The following SATB2 variants were observed in gnomAD, a reference collection of about 807,000 sequenced individuals.
The protein encoded by SATB2 is SATB homeobox 2.
A neutral mutation model predicts 73.4 loss-of-function variants in SATB2; 1 was observed. The ratio of observed to expected loss-of-function variants is 0.01; its 90% CI spans 0.00 to 0.06. The LOEUF is 0.06. Ranked by LOEUF, SATB2 falls within the 10% of genes least tolerant of loss-of-function variation. The pLI is 1.00. For synonymous variants in SATB2, 397 were observed against 367.0 expected (o/e 1.08, Z -0.93); for missense variants, 459 against 945.8 (o/e 0.49, Z 6.75).
At chr2:199,304,716 A>G (rs1482174632) in intron 10 of SATB2, among the ~76,000 whole-genome samples, 1 of 152,204 alleles carries the variant, frequency 6.6e-6, no homozygotes, top group African/African-American at 2.4e-5. Context: ...GATCCTGAAG[A>G]ACTAGCTTCC....
chr2:199,346,108 A>G (rs1373360804), intron 7 of SATB2, among the ~76,000 whole-genome samples: 2 of 152,152 alleles, frequency 1.3e-5, no homozygotes, highest in African/African-American at 4.8e-5. Context: ...GAGGCCAGTA[A>G]GAAAATCCCA....
intron 3 of SATB2, among the ~76,000 whole-genome samples, chr2:199,415,580 A>G (rs1690953379): frequency 6.6e-6 from 1 of 152,252 alleles, no homozygotes; most frequent in African/African-American, 2.4e-5. Context: ...AAATTACATT[A>G]GAATACTGCA....
chr2:199,356,342 T>C (rs1374878638), intron 6 of SATB2, among the ~76,000 whole-genome samples: 1 of 151,756 alleles, frequency 6.6e-6, no homozygotes, highest in African/African-American at 2.4e-5. Flanking sequence ...AAAAGGACAC[T>C]GGCTTGCTTT....
intron 3 of SATB2, among the ~76,000 whole-genome samples, chr2:199,417,664 T>C (rs984069107): frequency 1.3e-5 from 2 of 152,230 alleles, no homozygotes; most frequent in African/African-American, 4.8e-5. Flanking sequence ...TCAGTGAATA[T>C]TTAAAGTTTC....
At chr2:199,352,019 G>A (rs1330143178) in intron 6 of SATB2, among the ~76,000 whole-genome samples, 3 of 152,046 alleles carry the variant, frequency 2.0e-5, no homozygotes, top group Non-Finnish European at 4.4e-5. Context: ...ACAGGCATAT[G>A]CCGCCACCAC....
chr2:199,281,114 T>TC (rs1302127203), intron 10 of SATB2, among the ~76,000 whole-genome samples: 22 of 151,518 alleles, frequency 1.5e-4, no homozygotes, highest in Non-Finnish European at 2.5e-4. Context: ...AAGGGCAGGT[T>TC]CCCCCGATAC....
Position 199,308,636 on chromosome 2 carries a change from G to A in SATB2, c.1740+124C>T, listed in dbSNP as rs1687506417. 2.6e-6 allele frequency: 2 copies of A among 774,464 alleles called. No homozygotes were observed. Among genetic ancestry groups the A allele is most frequent in the Non-Finnish European group, 4.4e-6 (2 of 450,112 alleles). 48.0% of individuals were successfully genotyped at this position (774,464 alleles called of 1,614,324 possible). A position where few individuals can be genotyped will look rare whatever the true frequency, so the allele number is the denominator to read the frequency against. On this transcript the variant is annotated intron_variant, in intron 10 of 10. Transcript: ENST00000417098. The surrounding 1 kb of genome is among the most constrained non-coding windows in gnomAD (Gnocchi z 4.6). ...TGTGACGACAGCGTCTTCTGTACTT[G>A]GGGACCTGGCATGAGACACCCTCTG...
chr2:199,275,674 G>C (rs969757792), intron 10 of SATB2, among the ~76,000 whole-genome samples: 1 of 152,118 alleles, frequency 6.6e-6, no homozygotes, highest in African/African-American at 2.4e-5. Context: ...AATAGTCAGA[G>C]AAATTATCTA....
At chr2:199,432,141 T>A (rs1285413887) in intron 3 of SATB2, among the ~76,000 whole-genome samples, 1 of 152,194 alleles carries the variant, frequency 6.6e-6, no homozygotes, top group Non-Finnish European at 1.5e-5. Flanking sequence ...TGGCCAGCGC[T>A]CAGATTCAGA....
intron 7 of SATB2, among the ~76,000 whole-genome samples, chr2:199,346,156 CTTT>C (rs1050884316): frequency 6.9e-6 from 1 of 144,952 alleles, no homozygotes. Flanking sequence ...TTTTCTTTTT[CTTT>C]TTTTTTTTTG....
intron 6 of SATB2, among the ~76,000 whole-genome samples, chr2:199,358,079 C>T (rs1689038883): frequency 6.6e-6 from 1 of 152,218 alleles, no homozygotes; most frequent in Non-Finnish European, 1.5e-5. Flanking sequence ...TCCTTTCACT[C>T]AGCTGGGCTA....
chr2:199,342,151 T>A (rs6750374), intron 7 of SATB2, among the ~76,000 whole-genome samples: 31 of 152,028 alleles, frequency 2.0e-4, no homozygotes, highest in African/African-American at 7.3e-4. Context: ...CTTTCAGAAG[T>A]AAAACCATGG....
chr2:199,461,742 G>A (rs1377340844), upstream of SATB2, among the ~76,000 whole-genome samples: 1 of 152,100 alleles, frequency 6.6e-6, no homozygotes, highest in Non-Finnish European at 1.5e-5. Flanking sequence ...TCACAAACAC[G>A]GATTTGTTAT....
chr2:199,408,931 G>C (rs1690722111), intron 3 of SATB2, among the ~76,000 whole-genome samples: 2 of 152,080 alleles, frequency 1.3e-5, no homozygotes, highest in Admixed American at 1.3e-4. Flanking sequence ...TGAACATAAT[G>C]AGGGAGTGGG....
intron 3 of SATB2, among the ~76,000 whole-genome samples, chr2:199,383,574 A>G (rs1689840360): frequency 6.6e-6 from 1 of 152,236 alleles, no homozygotes; most frequent in Non-Finnish European, 1.5e-5. Flanking sequence ...TCACACAGAT[A>G]ATATATGACA....
intron 3 of SATB2, among the ~76,000 whole-genome samples, chr2:199,382,646 T>A (rs188548071): frequency 6.6e-6 from 1 of 152,290 alleles, no homozygotes; most frequent in African/African-American, 2.4e-5. Context: ...GCTAACTTAT[T>A]CATAAGATAG....
intron 10 of SATB2, among the ~76,000 whole-genome samples, chr2:199,281,648 CTCTACCCTCTAA>C (rs1692500495): frequency 6.6e-6 from 1 of 152,052 alleles, no homozygotes; most frequent in African/African-American, 2.4e-5. Flanking sequence ...AAAAACCTAG[CTCTACCCTCTAA>C]TATTCCCCTT....
intron 9 of SATB2, among the ~76,000 whole-genome samples, chr2:199,316,691 C>T (rs1207059847): frequency 6.6e-6 from 1 of 152,036 alleles, no homozygotes; most frequent in African/African-American, 2.4e-5. Flanking sequence ...GGGGATTACA[C>T]AAAATTTTGT....
chr2:199,311,852 C>T (rs1048797218), intron 9 of SATB2, among the ~76,000 whole-genome samples: 1 of 152,130 alleles, frequency 6.6e-6, no homozygotes, highest in Non-Finnish European at 1.5e-5. Flanking sequence ...TCTGTTTTCT[C>T]AATACGGTCT....
Sources: allele counts gnomAD v4.1 joint callset (sites outside exome capture counted in the v4.1 genomes callset), GRCh38; gene constraint gnomAD v4.1.1; non-coding constraint Gnocchi (gnomAD v3.1); transcripts MANE v1.5; gene names NCBI Gene and HGNC (gene_info 2026-07-23, HGNC 2026-07-21).